Variants in OFD1 observed in about 807,000 individuals in gnomAD.
OFD1 encodes the protein OFD1 centriole and centriolar satellite protein, also known as centriole and centriolar satellite protein OFD1.
A neutral mutation model predicts 81.4 loss-of-function variants in OFD1; 12 were observed. That is an observed-to-expected ratio of 0.15 (90% CI 0.09 to 0.24). The LOEUF (loss-of-function observed/expected upper bound fraction) is 0.24, where lower values mean the gene tolerates loss of function less well. Ranked by LOEUF, OFD1 falls within the 10% of genes least tolerant of loss-of-function variation. The probability of loss-of-function intolerance (pLI) is 1.00; values close to 1 mark genes in which losing one functional copy is unlikely to be tolerated. For synonymous variants in OFD1, 256 were observed against 263.7 expected (o/e 0.97, Z 0.28); for missense variants, 685 against 733.9 (o/e 0.93, Z 0.77).
the OFD1 span, chrX:13,716,676 G>A: frequency 5.5e-5 from 67 of 1,209,585 alleles, no homozygotes; most frequent in Admixed American, 1.1e-4. Flanking sequence ...GACGATGGTC[G>A]TCCTAGATGA....
chrX:13,767,973 TTAA>T (rs2048196235), intron 20 of OFD1, 78 bp from the exon 21 acceptor site: 5 of 980,724 alleles, frequency 5.1e-6, no homozygotes, highest in Non-Finnish European at 7.1e-6. Context: ...AGGATCGGGA[TTAA>T]TATTAGTGCA....
At position 13,762,332 on chromosome X, in the gene OFD1, C is replaced by T. The variant is rs1241628024; in HGVS notation, c.2388-12C>T. 1 of 1,101,916 alleles carries T rather than the reference C, an allele frequency of 9.1e-7. No homozygotes were observed. The highest frequency in any genetic ancestry group is 1.3e-6 in the Non-Finnish European group (1 of 795,779). The allele number at this position is 1,101,916 out of a possible 1,213,427, so 90.8% of individuals were successfully genotyped here. On this transcript the variant is annotated splice_polypyrimidine_tract_variant and intron_variant, in intron 17 of 22. Transcript: ENST00000340096. ...TTATTGAAACTTCACGAGTTTTATC[C>T]TTCCAATCTAGTCTTTATCGAAGAC... is the stretch of plus-strand genomic sequence containing the variant.
chrX:13,752,955 C>G (rs2047560218), intron 10 of OFD1: 1 of 900,439 alleles, frequency 1.1e-6, no homozygotes, highest in Admixed American at 5.0e-5. Context: ...AAAGTTCTTA[C>G]CTTGGTTGGG....
intron 18 of OFD1, among the ~76,000 whole-genome samples, chrX:13,763,333 C>T (rs2048008129): frequency 8.9e-6 from 1 of 112,354 alleles, no homozygotes; most frequent in Admixed American, 9.4e-5. Context: ...TTGTAAACTT[C>T]ATCTTCAAAT....
At chrX:13,729,395 A>G in the OFD1 span, among the ~76,000 whole-genome samples, 1 of 112,030 alleles carries the variant, frequency 8.9e-6, no homozygotes, top group African/African-American at 3.3e-5. Context: ...TGGTACCGAA[A>G]CAGATATATA....
chrX:13,721,097 T>C, the OFD1 span: 1 of 109,872 alleles, frequency 9.1e-6, no homozygotes, highest in Non-Finnish European at 1.9e-5. Context: ...ATATAAGTGA[T>C]TCCATGGCTT....
intron 5 of OFD1, among the ~76,000 whole-genome samples, chrX:13,741,309 A>G (rs1452121962): frequency 8.9e-6 from 1 of 111,918 alleles, no homozygotes; most frequent in African/African-American, 3.3e-5. Context: ...ATTTGGATAG[A>G]ACTCTTAGCT....
rs151068148 is a variant in OFD1, at chrX:13,757,007, C to T, written c.1411+240C>T. The stretch of plus-strand genomic sequence containing the variant: ...ACACCAGCCTCTACATACAGTGGCC[C>T]TAGGCTGGCCACTGTGCCTCATGGC... On this transcript the variant is annotated intron_variant, in intron 13 of 22. Coordinates refer to ENST00000340096, the MANE Select transcript of OFD1 (RefSeq NM_003611.3). Among the ~76,000 whole-genome samples, 1,437 of 111,641 alleles carry T rather than the reference C, an allele frequency of 0.013. 19 individuals carry two copies. Among genetic ancestry groups the T allele is most frequent in the Non-Finnish European group, 0.022 (1,173 of 53,014 alleles).
At chrX:13,753,014 T>G (rs1226108981) in intron 10 of OFD1, 1 of 899,859 alleles carries the variant, frequency 1.1e-6, no homozygotes, top group East Asian at 7.7e-5. Flanking sequence ...TGATTATCAT[T>G]TGGGATTGAG....
At chrX:13,752,199 C>T (rs1046282406) in intron 10 of OFD1, among the ~76,000 whole-genome samples, 1 of 112,169 alleles carries the variant, frequency 8.9e-6, no homozygotes, top group Non-Finnish European at 1.9e-5. Context: ...AAAATATGGA[C>T]AACTATGGTA....
the OFD1 span, chrX:13,714,646 G>A: frequency 6.6e-5 from 25 of 378,428 alleles, no homozygotes; most frequent in South Asian, 1.8e-3. Context: ...TATTGAAAAT[G>A]CTGCATTGTT....
downstream of OFD1, chrX:13,772,513 TGTCACAGGTCCTTATTAAGGA>T (rs766384454): frequency 3.9e-4 from 54 of 139,958 alleles, no homozygotes; most frequent in Admixed American, 9.9e-4. Context: ...ATGCTGGGCA[TGTCACAGGTCCTTATTAAGGA>T]GTCACAGGTC....
the OFD1 span, among the ~76,000 whole-genome samples, chrX:13,728,155 G>A: frequency 9.0e-6 from 1 of 111,696 alleles, no homozygotes; most frequent in Non-Finnish European, 1.9e-5. Context: ...ATTCACATCC[G>A]AATTCTACCA....
the OFD1 span, chrX:13,716,753 A>G: frequency 9.2e-7 from 1 of 1,088,142 alleles, no homozygotes; most frequent in Non-Finnish European, 1.3e-6. Flanking sequence ...CATTCTGTAA[A>G]TTCTATAGAT....
chrX:13,735,134 C>T (rs760055759), intron 1 of OFD1, 51 bp downstream of exon 1: 3 of 1,208,187 alleles, frequency 2.5e-6, no homozygotes, highest in Non-Finnish European at 3.4e-6. Flanking sequence ...GTTTTGTGTT[C>T]GTTAAACTTT....
intron 14 of OFD1, 95 bp downstream of exon 14, chrX:13,757,885 T>G: frequency 1.0e-6 from 1 of 998,583 alleles, no homozygotes; most frequent in Non-Finnish European, 1.4e-6. Flanking sequence ...ATCAGATTTA[T>G]TTTAACATCA....
intron 5 of OFD1, among the ~76,000 whole-genome samples, chrX:13,742,644 C>T (rs1340925914): frequency 9.0e-6 from 1 of 111,443 alleles, no homozygotes; most frequent in Non-Finnish European, 1.9e-5. Context: ...CTGTCTCAGC[C>T]TCCTGAGTAG....
At chrX:13,764,967 G>T (rs1486352770) in intron 19 of OFD1, among the ~76,000 whole-genome samples, 1 of 111,841 alleles carries the variant, frequency 8.9e-6, no homozygotes, top group Non-Finnish European at 1.9e-5. Flanking sequence ...GTGGCCACAA[G>T]AGGGAGTGTC....
At chrX:13,769,578 C>T (rs1262805877), downstream of OFD1, among the ~76,000 whole-genome samples, 1 of 111,782 alleles carries the variant, frequency 8.9e-6, no homozygotes, top group African/African-American at 3.3e-5. Context: ...TGCCTCTGGT[C>T]TTTACTTCTG....
Sources: gnomAD v4.1 joint callset for allele counts (sites outside exome capture counted in the v4.1 genomes callset) on GRCh38, gnomAD v4.1.1 for gene constraint, MANE v1.5 for transcripts, NCBI Gene and HGNC (gene_info 2026-07-23, HGNC 2026-07-21) for gene names.